The following IL1RAPL2 variants were observed in gnomAD, a reference collection of about 807,000 sequenced individuals.
The protein encoded by IL1RAPL2 is interleukin 1 receptor accessory protein like 2.
IL1RAPL2 carries 3 observed loss-of-function variants against 44.1 expected under a neutral mutation model. The observed-to-expected ratio is 0.07, with a 90% CI of 0.03 to 0.18. The LOEUF (loss-of-function observed/expected upper bound fraction) is 0.18, where lower values mean the gene tolerates loss of function less well. IL1RAPL2 is among the 10% of genes least tolerant of loss of function. The pLI is 1.00. For missense variants in IL1RAPL2, 391 were observed against 496.4 expected (o/e 0.79, Z 2.02); for synonymous variants, 181 against 178.8 (o/e 1.01, Z -0.10).
At chrX:105,476,598 C>T (rs1208351670) in intron 5 of IL1RAPL2, among the ~76,000 whole-genome samples, 1 of 111,873 alleles carries the variant, frequency 8.9e-6, no homozygotes, top group Non-Finnish European at 1.9e-5. Flanking sequence ...ACAGTCCATG[C>T]TGATCTGTTT....
At chrX:104,653,116 G>T (rs1386522505) in intron 1 of IL1RAPL2, among the ~76,000 whole-genome samples, 1 of 111,195 alleles carries the variant, frequency 9.0e-6, no homozygotes, top group Admixed American at 9.6e-5. Flanking sequence ...ACAGCCTGCT[G>T]ATGGGAGGCT....
chrX:105,541,912 A>G (rs1367922403), intron 6 of IL1RAPL2, among the ~76,000 whole-genome samples: 2 of 110,988 alleles, frequency 1.8e-5, no homozygotes, highest in African/African-American at 6.6e-5. Context: ...CACCACCCCC[A>G]CACCAGGAAA....
intron 2 of IL1RAPL2, among the ~76,000 whole-genome samples, chrX:105,002,752 G>T (rs930749767): frequency 1.5e-4 from 16 of 109,185 alleles, no homozygotes; most frequent in African/African-American, 5.3e-4. Flanking sequence ...TTTCTGAAGA[G>T]ATTCTAAATT....
At chrX:104,677,457 C>G (rs1327535506) in intron 2 of IL1RAPL2, among the ~76,000 whole-genome samples, 1 of 111,189 alleles carries the variant, frequency 9.0e-6, no homozygotes, top group African/African-American at 3.3e-5. Context: ...TGCCGGTTCT[C>G]AGATCTCCAG....
intron 2 of IL1RAPL2, among the ~76,000 whole-genome samples, chrX:104,837,887 C>T (rs1328183838): frequency 5.4e-5 from 6 of 111,960 alleles, no homozygotes. Flanking sequence ...CTTAACCCAT[C>T]TTGAGTTAAT....
At chrX:104,800,213 C>T (rs1256524501) in intron 2 of IL1RAPL2, among the ~76,000 whole-genome samples, 1 of 111,596 alleles carries the variant, frequency 9.0e-6, no homozygotes, top group Admixed American at 9.5e-5. Flanking sequence ...TGAATCTCAA[C>T]TTTGCCTAAT....
chrX:105,666,932 G>T lies in IL1RAPL2; in HGVS notation c.773-50435G>T, dbSNP rs185364312. Among the ~76,000 whole-genome samples, 544 of 111,715 alleles carry T rather than the reference G, an allele frequency of 4.9e-3. 7 individuals carry two copies. Among genetic ancestry groups the T allele is most frequent in the African/African-American group, 0.017 (515 of 30,732 alleles). ...CTCTGTAGGGGGAAGCACATCACGC[G>T]CTGTTGGCTCATTCTGGCAGTCCAG... On this transcript the variant is annotated intron_variant, in intron 6 of 10. Transcript: ENST00000372582.
intron 5 of IL1RAPL2, among the ~76,000 whole-genome samples, chrX:105,283,091 G>A (rs1000481336): frequency 2.7e-5 from 3 of 111,002 alleles, no homozygotes; most frequent in Non-Finnish European, 3.8e-5. Flanking sequence ...AGTGGAAACC[G>A]TTATTCACCC....
In IL1RAPL2 at chrX:104,900,698, A is replaced by G. The variant is rs188932059; in HGVS notation, c.82+241703A>G. Among the ~76,000 whole-genome samples the G allele has an allele frequency of 2.7e-5, 3 of 112,213 alleles. No individual in the cohort carries two copies. In the Admixed American group the frequency reaches 2.8e-4, roughly 11 times the overall value. On this transcript the variant is annotated intron_variant, in intron 2 of 10. Coordinates refer to ENST00000372582, the MANE Select transcript of IL1RAPL2 (RefSeq NM_017416.2). Reference sequence around the variant, plus strand: ...CTCATGGTGATGGCAACATTGCAAGAAGAATGAGCAGAAACATACAATGCC... The same window carrying G: ...CTCATGGTGATGGCAACATTGCAAGGAGAATGAGCAGAAACATACAATGCC...
intron 6 of IL1RAPL2, among the ~76,000 whole-genome samples, chrX:105,516,393 G>A (rs1265539796): frequency 8.9e-6 from 1 of 111,956 alleles, no homozygotes; most frequent in Non-Finnish European, 1.9e-5. Context: ...ACACAGGGAA[G>A]AATTTGCCCA....
chrX:105,219,865 A>G, intron 3 of IL1RAPL2: 1 of 1,035,422 alleles, frequency 9.7e-7, no homozygotes, highest in East Asian at 3.1e-5. Flanking sequence ...GGGCGAAGCC[A>G]TGGAGCAGGG....
At chrX:104,966,357 G>A (rs1162043131) in intron 2 of IL1RAPL2, among the ~76,000 whole-genome samples, 1 of 111,200 alleles carries the variant, frequency 9.0e-6, no homozygotes, top group African/African-American at 3.3e-5. Flanking sequence ...AAATATAGGG[G>A]CAGTAGAAAA....
chrX:105,648,570 A>T (rs1271849198), intron 6 of IL1RAPL2, among the ~76,000 whole-genome samples: 3 of 111,354 alleles, frequency 2.7e-5, no homozygotes, highest in Non-Finnish European at 5.7e-5. Flanking sequence ...GCACTTCACA[A>T]AGTGAAGTGC....
At chrX:104,792,929 T>TATTA (rs1462318385) in intron 2 of IL1RAPL2, among the ~76,000 whole-genome samples, 2 of 112,232 alleles carry the variant, frequency 1.8e-5, no homozygotes, top group Non-Finnish European at 3.8e-5. Context: ...AGAAAGTAAC[T>TATTA]ATTACTAAGC....
At position 105,318,127 on chromosome X, in the gene IL1RAPL2, C is replaced by T. The variant is rs1437637790; in HGVS notation, c.697+50586C>T. Among the ~76,000 whole-genome samples the T allele has an allele frequency of 6.3e-5, 7 of 110,579 alleles. No homozygotes were observed. The East Asian group carries it at 1.4e-3, about 23-fold the overall frequency. ...AGCTGGGACTACAGGCGCCCGCCAC[C>T]ACGCCTGGCTAATTTTTTCTATTTT... On this transcript the variant is annotated intron_variant, in intron 5 of 10. Coordinates refer to ENST00000372582, the MANE Select transcript of IL1RAPL2 (RefSeq NM_017416.2).
intron 5 of IL1RAPL2, among the ~76,000 whole-genome samples, chrX:105,354,775 A>T (rs919713475): frequency 1.8e-5 from 2 of 111,363 alleles, no homozygotes; most frequent in Non-Finnish European, 3.8e-5. Flanking sequence ...TGCTGACTCT[A>T]TTACCATACC....
chrX:104,848,853 A>G (rs1569326203), intron 2 of IL1RAPL2, among the ~76,000 whole-genome samples: 1 of 110,645 alleles, frequency 9.0e-6, no homozygotes, highest in African/African-American at 3.3e-5. Flanking sequence ...GTATTCAAGA[A>G]CAAACTTATG....
At chrX:105,489,744 C>CTCTT (rs1426236939) in intron 6 of IL1RAPL2, among the ~76,000 whole-genome samples, 39 of 93,140 alleles carry the variant, frequency 4.2e-4, no homozygotes, top group African/African-American at 1.4e-3. Context: ...CTCTCTCTCT[C>CTCTT]TCTTTCTTTC....
intron 5 of IL1RAPL2, among the ~76,000 whole-genome samples, chrX:105,342,668 C>T (rs750312361): frequency 3.6e-5 from 4 of 111,949 alleles, no homozygotes; most frequent in African/African-American, 6.5e-5. Flanking sequence ...GCTATATTTA[C>T]GAAACTGTTA....
Sources: allele counts gnomAD v4.1 joint callset (sites outside exome capture counted in the v4.1 genomes callset), GRCh38; gene constraint gnomAD v4.1.1; transcripts MANE v1.5; gene names NCBI Gene and HGNC (gene_info 2026-07-23, HGNC 2026-07-21).